PPP3R1: variants seen among roughly 807,000 people sequenced by gnomAD.
The protein encoded by PPP3R1 is protein phosphatase 3 regulatory subunit B, alpha.
Under a neutral mutation model 22.6 loss-of-function variants are expected in PPP3R1, and 5 were observed. The observed-to-expected ratio is 0.22, with a 90% CI of 0.12 to 0.46. The LOEUF is 0.46. Among genes scored for constraint, PPP3R1 ranks in the 20% least tolerant of loss-of-function variants. PPP3R1 has a pLI of 0.99. For synonymous variants in PPP3R1, 56 were observed against 65.2 expected (o/e 0.86, Z 0.68); for missense variants, 61 against 203.2 (o/e 0.30, Z 4.25).
At chr2:68,239,415 G>A (rs1382040969) in intron 1 of PPP3R1, among the ~76,000 whole-genome samples, 1 of 152,146 alleles carries the variant, frequency 6.6e-6, no homozygotes, top group Non-Finnish European at 1.5e-5. Context: ...AAAAAAGTAT[G>A]ACTGTACAAG....
At chr2:68,214,847 A>G (rs570687752) in intron 2 of PPP3R1, among the ~76,000 whole-genome samples, 1 of 152,276 alleles carries the variant, frequency 6.6e-6, no homozygotes. Flanking sequence ...CATTATTCAC[A>G]ATATTATTAT....
At chr2:68,212,783 GA>G (rs1432493353) in intron 2 of PPP3R1, among the ~76,000 whole-genome samples, 3 of 152,224 alleles carry the variant, frequency 2.0e-5, no homozygotes, top group Non-Finnish European at 4.4e-5. Context: ...ATGATTTACA[GA>G]GTGATAAATG....
rs567972569 is a variant in PPP3R1, at chr2:68,220,987, T to A, written c.4-3856A>T. Among the ~76,000 whole-genome samples, 145 of 152,222 alleles carry A rather than the reference T, an allele frequency of 9.5e-4. 1 individual carries two copies. The highest frequency in any genetic ancestry group is 3.3e-3 in the African/African-American group (136 of 41,546). On this transcript the variant is annotated intron_variant, in intron 1 of 5. Transcript: ENST00000234310. ...AATGACATAGAGGTGGTGGTTGTAC[T>A]ACATTATAAATGCCAGCCTGGGCAA...
intron 3 of PPP3R1, 117 bp from the exon 4 acceptor site, chr2:68,187,431 T>C (rs1674568634): frequency 1.2e-6 from 1 of 824,800 alleles, no homozygotes. Context: ...GAAGTACTAC[T>C]AGCAACGTTT....
chr2:68,210,043 G>A (rs928366579), intron 2 of PPP3R1, among the ~76,000 whole-genome samples: 2 of 152,140 alleles, frequency 1.3e-5, no homozygotes, highest in African/African-American at 2.4e-5. Flanking sequence ...CAAAACAGAA[G>A]TGACACCTCA....
chr2:68,203,385 T>C (rs1415310346), intron 2 of PPP3R1, among the ~76,000 whole-genome samples: 1 of 152,190 alleles, frequency 6.6e-6, no homozygotes, highest in East Asian at 1.9e-4. Context: ...GTGGATCACC[T>C]GAGGTCAGGA....
intron 1 of PPP3R1, among the ~76,000 whole-genome samples, chr2:68,249,121 T>C (rs1326628382): frequency 6.6e-6 from 1 of 152,228 alleles, no homozygotes; most frequent in African/African-American, 2.4e-5. Flanking sequence ...TTACTACCTA[T>C]AACAGTTGCC....
intron 2 of PPP3R1, among the ~76,000 whole-genome samples, chr2:68,204,336 CTA>C (rs1265500423): frequency 5.4e-5 from 2 of 37,314 alleles, no homozygotes; most frequent in Admixed American, 2.6e-4. Context: ...CACACACACA[CTA>C]TATATATATA....
intron 1 of PPP3R1, among the ~76,000 whole-genome samples, chr2:68,250,256 C>A (rs992863522): frequency 2.6e-5 from 4 of 151,446 alleles, no homozygotes; most frequent in Non-Finnish European, 5.9e-5. Flanking sequence ...GTCTGATACA[C>A]CGTAAAATAT....
At chr2:68,202,406 TTTGTTGTTGTTG>T (rs71906115) in intron 2 of PPP3R1, among the ~76,000 whole-genome samples, 32 of 146,238 alleles carry the variant, frequency 2.2e-4, no homozygotes, top group South Asian at 2.2e-4. Flanking sequence ...TTTTTCGTTT[TTTGTTGTTGTTG>T]TTGTTGTTGT....
chr2:68,210,134 G>T (rs543489619), intron 2 of PPP3R1, among the ~76,000 whole-genome samples: 1 of 152,176 alleles, frequency 6.6e-6, no homozygotes, highest in Non-Finnish European at 1.5e-5. Flanking sequence ...CTGCTTGCAA[G>T]GAAGGTTCAG....
chr2:68,228,800 CTAAACTGCTT>C lies in PPP3R1; in HGVS notation c.4-11679_4-11670del, dbSNP rs914936203. Among the ~76,000 whole-genome samples the C allele has an allele frequency of 7.2e-5, 11 of 152,064 alleles. No individual in the cohort carries two copies. The East Asian group carries it at 1.9e-3, about 27-fold the overall frequency. On this transcript the variant is annotated intron_variant, in intron 1 of 5. Coordinates refer to ENST00000234310, the MANE Select transcript of PPP3R1 (RefSeq NM_000945.4). Reference sequence around the variant, plus strand: ...CATTTAGTGGTATAAATTTCCCTCTCTAAACTGCTTTAGTTGTATCCCACAACTTTGGTAT... The same window carrying C: ...CATTTAGTGGTATAAATTTCCCTCTCTAGTTGTATCCCACAACTTTGGTAT...
intron 2 of PPP3R1, among the ~76,000 whole-genome samples, chr2:68,195,958 G>T (rs1354284954): frequency 6.7e-6 from 1 of 148,630 alleles, no homozygotes; most frequent in South Asian, 2.1e-4. Flanking sequence ...CCAACTATAC[G>T]TACTATTTCT....
chr2:68,249,688 C>T (rs1670304192), intron 1 of PPP3R1, among the ~76,000 whole-genome samples: 1 of 148,988 alleles, frequency 6.7e-6, no homozygotes, highest in Admixed American at 6.7e-5. Context: ...CAATTTAAAA[C>T]TCAAATAAGG....
At chr2:68,211,893 A>T (rs543846523) in intron 2 of PPP3R1, among the ~76,000 whole-genome samples, 2 of 152,152 alleles carry the variant, frequency 1.3e-5, no homozygotes, top group Non-Finnish European at 2.9e-5. Flanking sequence ...TCCACTTCTA[A>T]TTCTAGTTCT....
At chr2:68,202,913 C>G (rs939084468) in intron 2 of PPP3R1, among the ~76,000 whole-genome samples, 1 of 149,664 alleles carries the variant, frequency 6.7e-6, no homozygotes, top group Non-Finnish European at 1.5e-5. Flanking sequence ...CGCCATTCTC[C>G]TGCCTCAGCC....
At chr2:68,191,395 A>G (rs1674665681) in intron 2 of PPP3R1, among the ~76,000 whole-genome samples, 2 of 152,248 alleles carry the variant, frequency 1.3e-5, no homozygotes, top group Non-Finnish European at 2.9e-5. Context: ...CAAAAGGTAC[A>G]GTAAAAGTAT....
chr2:68,204,919 G>A (rs1176062624), intron 2 of PPP3R1, among the ~76,000 whole-genome samples: 1 of 152,162 alleles, frequency 6.6e-6, no homozygotes, highest in Non-Finnish European at 1.5e-5. Context: ...TCTTTTACTG[G>A]TGAAAATTAG....
At chr2:68,240,082 A>G (rs1327451481) in intron 1 of PPP3R1, among the ~76,000 whole-genome samples, 1 of 152,222 alleles carries the variant, frequency 6.6e-6, no homozygotes, top group African/African-American at 2.4e-5. Context: ...AGGTGTATTC[A>G]ACGCATTTTC....
Sources: gnomAD v4.1 joint callset for allele counts (sites outside exome capture counted in the v4.1 genomes callset) on GRCh38, gnomAD v4.1.1 for gene constraint, MANE v1.5 for transcripts, NCBI Gene and HGNC (gene_info 2026-07-23, HGNC 2026-07-21) for gene names.